The following HPS3 variants were observed in gnomAD, a reference collection of about 807,000 sequenced individuals.
The protein encoded by HPS3 is BLOC-2 complex member HPS3.
A neutral mutation model predicts 110.9 loss-of-function variants in HPS3; 79 were observed. That is an observed-to-expected ratio of 0.71 (90% CI 0.59 to 0.86). HPS3 has a LOEUF of 0.86. Ranked by LOEUF, HPS3 falls within the 40% of genes least tolerant of loss-of-function variation. The probability of loss-of-function intolerance (pLI) is 0.00; values close to 1 mark genes in which losing one functional copy is unlikely to be tolerated. For missense variants in HPS3, 1,197 were observed against 1,206.2 expected (o/e 0.99, Z 0.11); for synonymous variants, 428 against 451.0 (o/e 0.95, Z 0.65).
At position 149,172,318 on chromosome 3, in the gene HPS3, TCA is replaced by T. The variant is rs113015797; in HGVS notation, c.*133_*134del. The T allele has an allele frequency of 0.099, 54,871 of 552,594 alleles. 298 individuals are homozygous for T. The highest frequency in any genetic ancestry group is 0.14 in the Middle Eastern group (270 of 1,924). 34.2% of individuals were successfully genotyped at this position (552,594 alleles called of 1,614,324 possible). Reference sequence around the variant, plus strand: ...GTAGAGGAGTTTTTTATTTTATATATCACACACACACACACACACACACACAC... The same window carrying T: ...GTAGAGGAGTTTTTTATTTTATATATCACACACACACACACACACACACAC... On this transcript the variant is annotated 3_prime_UTR_variant, in exon 17 of 17. Coordinates refer to ENST00000296051, the MANE Select transcript of HPS3 (RefSeq NM_032383.5).
intron 2 of HPS3, 139 bp downstream of exon 2, chr3:149,140,637 G>C: frequency 1.0e-6 from 1 of 957,906 alleles, no homozygotes; most frequent in Admixed American, 2.5e-5. Context: ...ATGGGATTTG[G>C]TTTTATGATC....
rs13080703 is a variant in HPS3, at chr3:149,156,773, A to C, written c.1510-577A>C. Among the ~76,000 whole-genome samples the C allele has an allele frequency of 5.5e-3, 832 of 152,210 alleles. 7 individuals carry two copies. Among genetic ancestry groups the C allele is most frequent in the Non-Finnish European group, 8.6e-3 (585 of 68,004 alleles). ...ATAATTTAATGCCAATTATTATATT[A>C]GCTGTGCCCTGTCTTTTCAGTCTTG... On this transcript the variant is annotated intron_variant, in intron 8 of 16. Transcript: ENST00000296051.
chr3:149,153,044 CAGT>C (rs1723230922), intron 6 of HPS3, among the ~76,000 whole-genome samples: 1 of 152,216 alleles, frequency 6.6e-6, no homozygotes, highest in South Asian at 2.1e-4. Context: ...ACTCTACAAG[CAGT>C]AGAATGTCCT....
intron 14 of HPS3, among the ~76,000 whole-genome samples, chr3:149,164,844 A>G (rs959254937): frequency 2.0e-5 from 3 of 152,100 alleles, no homozygotes; most frequent in Non-Finnish European, 4.4e-5. Context: ...TCCTTATCCT[A>G]GCTGCCCTCA....
intron 7 of HPS3, among the ~76,000 whole-genome samples, chr3:149,154,487 G>A (rs928519923): frequency 3.9e-5 from 6 of 152,176 alleles, no homozygotes; most frequent in African/African-American, 9.7e-5. Context: ...TTTCTGGGGA[G>A]AGGAAAAGCA....
chr3:149,168,001 T>TTC lies in HPS3; in HGVS notation c.2887+19_2887+20insCT. 2 of 1,357,766 alleles carry TTC rather than the reference T, an allele frequency of 1.5e-6. No homozygotes were observed. Among genetic ancestry groups the TTC allele is most frequent in the South Asian group, 2.3e-5 (2 of 85,626 alleles). 84.1% of individuals were successfully genotyped at this position (1,357,766 alleles called of 1,614,324 possible). On this transcript the variant is annotated intron_variant, in intron 16 of 16. Transcript: ENST00000296051. Reference sequence around the variant, plus strand: ...ATTAAAAGGTAAAATGATTTTTTTTTTGCTTGATTATAAACTTAAGTTTCA... The same window carrying TTC: ...ATTAAAAGGTAAAATGATTTTTTTTTTCTGCTTGATTATAAACTTAAGTTTCA...
rs568974169 is a variant in HPS3, at chr3:149,169,038, C to T, written c.2887+1055C>T. On this transcript the variant is annotated intron_variant, in intron 16 of 16. Transcript: ENST00000296051. ...TCTTCAAAATATATTTGTGTGCATA[C>T]GTGTGTGTGTGTGTGTGTGTATGGC... 4.0e-5 allele frequency among the ~76,000 whole-genome samples: 6 copies of T among 149,810 alleles called. No homozygotes were observed. The South Asian group carries it at 8.5e-4, about 21-fold the overall frequency.
At chr3:149,170,028 C>T (rs76876937) in intron 16 of HPS3, among the ~76,000 whole-genome samples, 1 of 152,050 alleles carries the variant, frequency 6.6e-6, no homozygotes, top group Non-Finnish European at 1.5e-5. Context: ...TTTTCCCAAC[C>T]CTAAATCAGG....
At chr3:149,130,308 G>T (rs1399266574) in intron 1 of HPS3, 1 of 337,186 alleles carries the variant, frequency 3.0e-6, no homozygotes, top group Non-Finnish European at 5.5e-6. Flanking sequence ...GTAGGAATAA[G>T]GAGACTAGTA....
chr3:149,132,367 T>A (rs927188498), intron 1 of HPS3, among the ~76,000 whole-genome samples: 3 of 152,212 alleles, frequency 2.0e-5, no homozygotes, highest in Admixed American at 6.5e-5. Flanking sequence ...TTTACCATTC[T>A]GAAAATCATA....
At chr3:149,167,437 A>G (rs1393902860) in intron 15 of HPS3, among the ~76,000 whole-genome samples, 197 bp downstream of exon 15, 4 of 146,306 alleles carry the variant, frequency 2.7e-5, no homozygotes, top group Admixed American at 2.7e-4. Flanking sequence ...TGGAGATGGT[A>G]TATTATCATC....
chr3:149,170,026 A>G (rs1724818225), intron 16 of HPS3, among the ~76,000 whole-genome samples: 1 of 152,116 alleles, frequency 6.6e-6, no homozygotes. Context: ...AATTTTCCCA[A>G]CCCTAAATCA....
intron 14 of HPS3, among the ~76,000 whole-genome samples, chr3:149,164,830 G>A (rs1201165607): frequency 6.6e-6 from 1 of 152,176 alleles, no homozygotes; most frequent in East Asian, 1.9e-4. Context: ...CTGAGTGTCT[G>A]TTTTCCTTAT....
intron 14 of HPS3, among the ~76,000 whole-genome samples, chr3:149,165,469 G>T (rs1724321096): frequency 7.0e-6 from 1 of 142,172 alleles, no homozygotes; most frequent in South Asian, 2.4e-4. Flanking sequence ...AACATAGTCT[G>T]CCTAAACTTT....
intron 16 of HPS3, chr3:149,168,500 G>A (rs1724655111): frequency 6.1e-6 from 1 of 163,260 alleles, no homozygotes; most frequent in Admixed American, 5.9e-5. Context: ...TTTCTATACT[G>A]CTGTGTGTTA....
chr3:149,167,385 A>G, intron 15 of HPS3, 145 bp downstream of exon 15: 1 of 703,328 alleles, frequency 1.4e-6, no homozygotes, highest in Non-Finnish European at 2.6e-6. Context: ...TATGTTTAAT[A>G]TGTTACGTGT....
At chr3:149,151,098 C>T (rs979614198) in intron 6 of HPS3, among the ~76,000 whole-genome samples, 1 of 152,064 alleles carries the variant, frequency 6.6e-6, no homozygotes, top group African/African-American at 2.4e-5. Context: ...GCCTCGAACT[C>T]CTGGACTCAA....
chr3:149,146,637 C>G (rs146155877), intron 5 of HPS3, among the ~76,000 whole-genome samples: 3 of 152,326 alleles, frequency 2.0e-5, no homozygotes, highest in Admixed American at 6.5e-5. Flanking sequence ...TAGAACCAAT[C>G]TGGAGATTCT....
chr3:149,162,109 A>G (rs1361322136), intron 11 of HPS3, 39 bp from the exon 12 acceptor site: 5 of 1,517,928 alleles, frequency 3.3e-6, no homozygotes, highest in Non-Finnish European at 4.6e-6. Flanking sequence ...ATCTAAATAC[A>G]ATGTACCTTT....
Sources: gnomAD v4.1 joint callset for allele counts (sites outside exome capture counted in the v4.1 genomes callset) on GRCh38, gnomAD v4.1.1 for gene constraint, MANE v1.5 for transcripts, NCBI Gene and HGNC (gene_info 2026-07-23, HGNC 2026-07-21) for gene names.